DST: variants seen among roughly 807,000 people sequenced by gnomAD.
The protein encoded by DST is bullous pemphigoid antigen.
A neutral mutation model predicts 875.2 loss-of-function variants in DST; 253 were observed. That is an observed-to-expected ratio of 0.29 (90% CI 0.26 to 0.32). DST has a LOEUF of 0.32. Among genes scored for constraint, DST ranks in the 10% least tolerant of loss-of-function variants. DST has a pLI of 1.00. For missense variants in DST, 8,287 were observed against 9,111.6 expected, an observed-to-expected ratio of 0.91 and a Z score of 3.68; for synonymous variants, 3,124 against 3,197.1, an observed-to-expected ratio of 0.98 and a Z score of 0.77.
intron 4 of DST, among the ~76,000 whole-genome samples, chr6:56,758,926 A>G (rs2099610638): frequency 6.6e-6 from 1 of 152,168 alleles, no homozygotes; most frequent in Non-Finnish European, 1.5e-5. Context: ...CAGAGTGCAC[A>G]ATGGGAAAAG....
At chr6:56,749,353 CA>C (rs916556160) in intron 4 of DST, among the ~76,000 whole-genome samples, 22 of 151,356 alleles carry the variant, frequency 1.5e-4, no homozygotes, top group Admixed American at 4.6e-4. Flanking sequence ...GACTGTGTCT[CA>C]AAAAAATAAA....
At position 56,641,868 on chromosome 6, in the gene DST, TACTCTAC is replaced by T; in HGVS notation, c.2027+72_2027+78del. ...AGAAATATATTTCATAAAATTTTCA[TACTCTAC>T]ATTCCTATTTCAAATGCCCATGAAA... is the stretch of plus-strand genomic sequence containing the variant. On this transcript the variant is annotated intron_variant, in intron 17 of 103. Transcript: ENST00000680361. 3 of 1,101,894 alleles carry T rather than the reference TACTCTAC, an allele frequency of 2.7e-6. No individual in the cohort carries two copies. In the South Asian group the frequency reaches 5.7e-5, roughly 21 times the overall value. The allele number at this position is 1,101,894 out of a possible 1,614,324, so 68.3% of individuals were successfully genotyped here.
At chr6:56,947,250 CTTTTTT>C (rs34159658) in intron 2 of DST, among the ~76,000 whole-genome samples, 1 of 135,492 alleles carries the variant, frequency 7.4e-6, no homozygotes, top group African/African-American at 2.8e-5. Context: ...GCTACTCTCT[CTTTTTT>C]TTTTTTTTTT....
In DST at chr6:56,474,960, CAAAAAAAAAA is replaced by C. The variant is rs386407168; in HGVS notation, c.21865-968_21865-959del. 1.9e-4 allele frequency among the ~76,000 whole-genome samples: 6 copies of C among 31,340 alleles called. No homozygotes were observed. The East Asian group carries it at 5.0e-3, about 26-fold the overall frequency. 20.6% of individuals were successfully genotyped at this position (31,340 alleles called of 152,430 possible). On this transcript the variant is annotated intron_variant, in intron 92 of 103. Transcript: ENST00000680361. ...GGCAACAGAGTGAGACCCTGCCTCT[CAAAAAAAAAA>C]AAAAAAAAAAAAAAAAGATGGCTCT...
At chr6:56,953,292 C>T (rs1823294844) in intron 2 of DST, among the ~76,000 whole-genome samples, 1 of 152,204 alleles carries the variant, frequency 6.6e-6, no homozygotes, top group Admixed American at 6.5e-5. Flanking sequence ...CACACACTAC[C>T]ATCATCGCTT....
chr6:56,930,662 A>G (rs1011929144), intron 2 of DST, among the ~76,000 whole-genome samples: 1 of 152,162 alleles, frequency 6.6e-6, no homozygotes, highest in Non-Finnish European at 1.5e-5. Context: ...CTGATTTTTT[A>G]TATCTTTATC....
chr6:56,843,737 G>A (rs2099803670), intron 4 of DST: 1 of 209,378 alleles, frequency 4.8e-6, no homozygotes, highest in Non-Finnish European at 7.0e-6. Flanking sequence ...GGAGAGTGGA[G>A]GGTGGAGGGT....
intron 60 of DST, among the ~76,000 whole-genome samples, chr6:56,554,269 A>G (rs1349601015): frequency 6.6e-6 from 1 of 151,710 alleles, no homozygotes; most frequent in African/African-American, 2.4e-5. Context: ...TATTTTTAGT[A>G]GAGACAGGGT....
At chr6:56,694,079 T>C (rs910776877) in intron 9 of DST, among the ~76,000 whole-genome samples, 15 of 150,298 alleles carry the variant, frequency 1.0e-4, no homozygotes, top group African/African-American at 3.6e-4. Flanking sequence ...AGTTAAACTT[T>C]ATATGTAACT....
At chr6:56,752,603 C>T (rs537299246) in intron 4 of DST, among the ~76,000 whole-genome samples, 38 of 152,238 alleles carry the variant, frequency 2.5e-4, no homozygotes, top group Non-Finnish European at 4.9e-4. Flanking sequence ...GCTTCTTTCA[C>T]TCAGCATAAT....
intron 4 of DST, among the ~76,000 whole-genome samples, chr6:56,812,569 A>G (rs908939671): frequency 2.0e-5 from 3 of 152,244 alleles, no homozygotes; most frequent in African/African-American, 7.2e-5. Flanking sequence ...ACAGCTTTTA[A>G]TATTCTGAAA....
chr6:56,517,768 G>T, intron 69 of DST, 148 bp from the exon 70 acceptor site: 1 of 960,770 alleles, frequency 1.0e-6, no homozygotes, highest in Non-Finnish European at 1.5e-6. Flanking sequence ...TCGTGATAAT[G>T]ACTAAATTTT....
intron 2 of DST, among the ~76,000 whole-genome samples, chr6:56,940,715 G>A (rs1186508988): frequency 6.6e-6 from 1 of 151,672 alleles, no homozygotes; most frequent in East Asian, 1.9e-4. Flanking sequence ...GAGTAGCTGG[G>A]ACTGCAGGCG....
intron 49 of DST, among the ~76,000 whole-genome samples, chr6:56,583,649 C>T (rs1002527888): frequency 8.6e-5 from 13 of 152,002 alleles, no homozygotes; most frequent in African/African-American, 1.2e-4. Context: ...GCTTTTGGTG[C>T]TTTAGACATG....
chr6:56,656,454 G>T (rs1208359318), intron 10 of DST, among the ~76,000 whole-genome samples: 1 of 152,182 alleles, frequency 6.6e-6, no homozygotes, highest in African/African-American at 2.4e-5. Context: ...CAACAACAGG[G>T]ACTAATAAAT....
Position 56,459,354 on chromosome 6 carries a change from A to C in DST, c.23195-87T>G, listed in dbSNP as rs1333755798. The C allele has an allele frequency of 2.1e-6, 3 of 1,410,666 alleles. No homozygotes were observed. The East Asian group carries it at 7.4e-5, about 35-fold the overall frequency. The allele number at this position is 1,410,666 out of a possible 1,614,324, so 87.4% of individuals were successfully genotyped here. A position where few individuals can be genotyped will look rare whatever the true frequency, so the allele number is the denominator to read the frequency against. On this transcript the variant is annotated intron_variant, in intron 103 of 103. Transcript: ENST00000680361. ...GAAACCCGATGCCACCTTTAATCTT[A>C]ACTTTTTTTCCTGGTGTGTAGTAGG... is the stretch of plus-strand genomic sequence containing the variant.
At chr6:56,735,398 T>C (rs977010752) in intron 4 of DST, 109 bp from the exon 5 acceptor site, 2 of 730,152 alleles carry the variant, frequency 2.7e-6, no homozygotes, top group African/African-American at 3.6e-5. Flanking sequence ...TATGCTTCAG[T>C]GTATTCAAAG....
chr6:56,763,843 A>G (rs1374120935), intron 4 of DST, among the ~76,000 whole-genome samples: 1 of 152,018 alleles, frequency 6.6e-6, no homozygotes, highest in Non-Finnish European at 1.5e-5. Flanking sequence ...CATCACTTCC[A>G]GTTTTCACTT....
At chr6:56,753,401 C>T (rs2099593695) in intron 4 of DST, among the ~76,000 whole-genome samples, 1 of 152,164 alleles carries the variant, frequency 6.6e-6, no homozygotes, top group South Asian at 2.1e-4. Flanking sequence ...GACCTCAAAT[C>T]CCCACTCTGC....
Sources: gnomAD v4.1 joint callset for allele counts (sites outside exome capture counted in the v4.1 genomes callset) on GRCh38, gnomAD v4.1.1 for gene constraint, MANE v1.5 for transcripts, NCBI Gene and HGNC (gene_info 2026-07-23, HGNC 2026-07-21) for gene names.